The following BAIAP2 variants were observed in gnomAD, a reference collection of about 807,000 sequenced individuals.
BAIAP2 encodes BAR/IMD domain containing adaptor protein 2.
In BAIAP2, 18 loss-of-function variants were observed where a neutral mutation model predicts 63.0. The observed-to-expected ratio is 0.29, with a 90% CI of 0.20 to 0.42. The LOEUF (loss-of-function observed/expected upper bound fraction) is 0.42, where lower values mean the gene tolerates loss of function less well. BAIAP2 is among the 10% of genes least tolerant of loss of function. The pLI, the probability that BAIAP2 is intolerant of heterozygous loss-of-function variation, is 1.00. For synonymous variants in BAIAP2, 386 were observed against 307.6 expected (o/e 1.25, Z -2.67); for missense variants, 610 against 734.3 (o/e 0.83, Z 1.96).
chr17:81,057,544 T>G lies in BAIAP2; in HGVS notation c.131-337T>G, dbSNP rs1048290372. ...TGCCCAGGGTTGGTTCTTTGTCTCA[T>G]GAAATACAGTTAGTACAACACTCCC... On this transcript the variant is annotated intron_variant, in intron 2 of 13. Coordinates refer to ENST00000428708, the MANE Select transcript of BAIAP2 (RefSeq NM_001144888.2). 12 of 799,366 alleles carry G rather than the reference T, an allele frequency of 1.5e-5. No individual in the cohort carries two copies. In the African/African-American group the frequency reaches 2.2e-4, roughly 15 times the overall value. 49.5% of individuals were successfully genotyped at this position (799,366 alleles called of 1,614,324 possible).
intron 3 of BAIAP2, among the ~76,000 whole-genome samples, chr17:81,079,490 A>G (rs531648904): frequency 6.6e-6 from 1 of 151,814 alleles, no homozygotes; most frequent in Non-Finnish European, 1.5e-5. Context: ...CGTGACACCC[A>G]TGTGTGCCCC....
rs563365636 is a variant in BAIAP2, at chr17:81,081,831, C to A, written c.218-3001C>A. ...CTCCCTCCTGACCGCAGTGCAGCCC[C>A]AGGGGGCCATCGCTGGGCCCTGCCC... On this transcript the variant is annotated intron_variant, in intron 3 of 13. Coordinates refer to ENST00000428708, the MANE Select transcript of BAIAP2 (RefSeq NM_001144888.2). 8.5e-5 allele frequency among the ~76,000 whole-genome samples: 13 copies of A among 152,292 alleles called. 1 individual carries two copies. In the South Asian group the frequency reaches 2.5e-3, roughly 29 times the overall value.
chr17:81,075,052 C>A (rs1045593580), intron 3 of BAIAP2, among the ~76,000 whole-genome samples: 1 of 152,236 alleles, frequency 6.6e-6, no homozygotes, highest in Non-Finnish European at 1.5e-5. Flanking sequence ...CACCTTCCCA[C>A]TGTGTTGAGC....
chr17:81,050,415 G>T (rs968545789), intron 1 of BAIAP2, among the ~76,000 whole-genome samples: 1 of 152,174 alleles, frequency 6.6e-6, no homozygotes, highest in Non-Finnish European at 1.5e-5. Flanking sequence ...CTAAGGAAGC[G>T]AAACCTTGGT....
chr17:81,108,859 A>C, intron 13 of BAIAP2: 1 of 1,457,906 alleles, frequency 6.9e-7, no homozygotes, highest in Non-Finnish European at 9.1e-7. Context: ...GAGGGTCAGG[A>C]GGCCAACGGG....
At chr17:81,060,530 C>A (rs975055653) in intron 3 of BAIAP2, among the ~76,000 whole-genome samples, 1 of 152,194 alleles carries the variant, frequency 6.6e-6, no homozygotes, top group African/African-American at 2.4e-5. Flanking sequence ...GGGCTTCATT[C>A]CTGTTTGTGG....
At chr17:81,036,863 A>G in intron 1 of BAIAP2, 2 of 1,535,624 alleles carry the variant, frequency 1.3e-6, no homozygotes, top group Non-Finnish European at 1.7e-6. Flanking sequence ...GTGATTGCAG[A>G]GGGTGGAAGA....
intron 13 of BAIAP2, among the ~76,000 whole-genome samples, chr17:81,114,077 A>C (rs1464360415): frequency 2.3e-5 from 3 of 129,952 alleles, no homozygotes; most frequent in Admixed American, 8.3e-5. Context: ...CGATCCTCCC[A>C]CTTCAGCCCC....
chr17:81,069,971 C>T (rs959295138), intron 3 of BAIAP2, among the ~76,000 whole-genome samples: 1 of 151,562 alleles, frequency 6.6e-6, no homozygotes, highest in African/African-American at 2.4e-5. Context: ...TGTCTTTTCC[C>T]CCTTTTTGGA....
intron 2 of BAIAP2, among the ~76,000 whole-genome samples, chr17:81,055,405 C>T (rs752667289): frequency 1.3e-5 from 2 of 152,036 alleles, no homozygotes; most frequent in Non-Finnish European, 2.9e-5. Flanking sequence ...CTCCTGTTTG[C>T]ACCCGGCACC....
At chr17:81,041,821 C>T (rs2047118683) in intron 1 of BAIAP2, among the ~76,000 whole-genome samples, 1 of 152,254 alleles carries the variant, frequency 6.6e-6, no homozygotes, top group Non-Finnish European at 1.5e-5. Context: ...ATCCACCCAC[C>T]TCGGGCTCCC....
At chr17:81,076,848 G>A (rs1175437553) in intron 3 of BAIAP2, among the ~76,000 whole-genome samples, 2 of 152,166 alleles carry the variant, frequency 1.3e-5, no homozygotes, top group Non-Finnish European at 2.9e-5. Flanking sequence ...GCACACCCCT[G>A]TAGTCCCAGC....
intron 2 of BAIAP2, among the ~76,000 whole-genome samples, chr17:81,055,127 T>C (rs2049259376): frequency 6.6e-6 from 1 of 151,934 alleles, no homozygotes; most frequent in Non-Finnish European, 1.5e-5. Context: ...TTGGGTGGAG[T>C]TGGTTGTCCA....
intron 3 of BAIAP2, among the ~76,000 whole-genome samples, chr17:81,080,876 C>T (rs4969381): frequency 0.68 from 102,833 of 152,120 alleles, 35,219 homozygotes; most frequent in Admixed American, 0.72. Context: ...TGGGATATGG[C>T]AAGAGCCGTG....
chr17:81,090,108 G>T lies in BAIAP2; in HGVS notation c.489+3528G>T, dbSNP rs542976617. ...GGGACCTGTGGGTGGCCCCAGGCTGGACTGTCCCCACCTGGGCACAGCCTC... is the reference window on the plus strand; with the variant it reads ...GGGACCTGTGGGTGGCCCCAGGCTGTACTGTCCCCACCTGGGCACAGCCTC... On this transcript the variant is annotated intron_variant, in intron 6 of 13. Transcript: ENST00000428708. Among the ~76,000 whole-genome samples the T allele has an allele frequency of 2.0e-5, 3 of 152,202 alleles. No individual in the cohort carries two copies. In the South Asian group the frequency reaches 6.2e-4, roughly 32 times the overall value.
chr17:81,061,407 C>G (rs970539813), intron 3 of BAIAP2, among the ~76,000 whole-genome samples: 4 of 151,898 alleles, frequency 2.6e-5, no homozygotes, highest in African/African-American at 9.7e-5. Context: ...TGAACTTGTC[C>G]GTCTCTCGAA....
At chr17:81,109,522 G>T in intron 13 of BAIAP2, 1 of 985,600 alleles carries the variant, frequency 1.0e-6, no homozygotes, top group African/African-American at 1.7e-5. Context: ...TGTCCGGACA[G>T]GGAAGGTGCT....
chr17:81,050,361 C>T (rs1265753951), intron 1 of BAIAP2, among the ~76,000 whole-genome samples: 1 of 152,230 alleles, frequency 6.6e-6, no homozygotes, highest in African/African-American at 2.4e-5. Flanking sequence ...CTGTTCCCTG[C>T]CCGCTGTCTC....
At chr17:81,098,796 G>A (rs563496727) in intron 6 of BAIAP2, among the ~76,000 whole-genome samples, 3 of 152,358 alleles carry the variant, frequency 2.0e-5, no homozygotes, top group African/African-American at 7.2e-5. Context: ...GGCCACAGAC[G>A]CAAGGGCTGC....
Sources: allele counts gnomAD v4.1 joint callset (sites outside exome capture counted in the v4.1 genomes callset), GRCh38; gene constraint gnomAD v4.1.1; transcripts MANE v1.5; gene names NCBI Gene and HGNC (gene_info 2026-07-23, HGNC 2026-07-21).